The following DNAH3 variants were observed in gnomAD, a reference collection of about 807,000 sequenced individuals.
DNAH3 encodes the protein axonemal beta dynein heavy chain 3.
Under a neutral mutation model 432.5 loss-of-function variants are expected in DNAH3, and 332 were observed. That is an observed-to-expected ratio of 0.77 (90% CI 0.70 to 0.84). The LOEUF (loss-of-function observed/expected upper bound fraction) is 0.84, where lower values mean the gene tolerates loss of function less well. DNAH3 is among the 40% of genes least tolerant of loss of function. DNAH3 has a pLI of 0.00. For missense variants in DNAH3, 4,861 were observed against 5,114.0 expected (o/e 0.95, Z 1.51); for synonymous variants, 1,956 against 1,900.2 (o/e 1.03, Z -0.76).
chr16:21,097,615 T>A, intron 17 of DNAH3, 116 bp from the exon 18 acceptor site: 1 of 1,266,244 alleles, frequency 7.9e-7, no homozygotes, highest in Non-Finnish European at 1.1e-6. Context: ...TGCTTATTCA[T>A]CTGGAGAGTA....
intron 20 of DNAH3, among the ~76,000 whole-genome samples, chr16:21,076,133 C>T (rs1004305227): frequency 1.3e-5 from 2 of 152,076 alleles, no homozygotes; most frequent in Non-Finnish European, 1.5e-5. Flanking sequence ...TATTGAAATT[C>T]TAACCCCTAA....
chr16:20,933,535 A>G (rs754088427), intron 61 of DNAH3, 28 bp from the exon 62 acceptor site: 4 of 1,519,558 alleles, frequency 2.6e-6, no homozygotes, highest in South Asian at 2.6e-5. Context: ...TATGAGCTCC[A>G]TTGCCTGCCA....
rs2092313612 is a variant in DNAH3 at position 21,120,575 on chromosome 16, G to A, written c.1699+165C>T. The stretch of plus-strand genomic sequence containing the variant: ...AAAACAGTCTGAGGGGCTTAAGGAG[G>A]AAGCTAGGGCTGTGGGTGTCACTAG... On this transcript the variant is annotated intron_variant, in intron 11 of 61. Transcript: ENST00000261383. The A allele has an allele frequency of 1.1e-5, 7 of 637,326 alleles. No individual in the cohort carries two copies. The Admixed American group carries it at 1.7e-4, about 16-fold the overall frequency. The allele number at this position is 637,326 out of a possible 1,614,324, so 39.5% of individuals were successfully genotyped here. A position where few individuals can be genotyped will look rare whatever the true frequency, so the allele number is the denominator to read the frequency against.
intron 47 of DNAH3, 32 bp from the exon 48 acceptor site, chr16:20,985,747 C>A: frequency 6.3e-7 from 1 of 1,594,908 alleles, no homozygotes; most frequent in South Asian, 1.1e-5. Flanking sequence ...GCGGGGCATT[C>A]AGTGAATGGC....
At position 21,031,092 on chromosome 16, in the gene DNAH3, CATCCACTGGCCCATCAAATATA is replaced by C; in HGVS notation, c.5370_5391del (p.Ile1790MetfsTer8). On this transcript the variant is annotated frameshift_variant, in exon 37 of 62. Transcript: ENST00000261383. LOFTEE classifies it high-confidence loss of function. ...GTGTTCATATTTTCAATCCAAATAGCATCCACTGGCCCATCAAATATAATCCACTTGCGATCATCAGAGAGTG... is the reference window on the plus strand; with the variant it reads ...GTGTTCATATTTTCAATCCAAATAGCATCCACTTGCGATCATCAGAGAGTG... 6.2e-7 allele frequency: 1 copy of C among 1,614,136 alleles called. No homozygotes were observed. The highest frequency in any genetic ancestry group is 8.5e-7 in the Non-Finnish European group (1 of 1,180,010).
exon 32 of DNAH3, chr16:21,042,139 A>G: frequency 1.2e-6 from 2 of 1,613,550 alleles, no homozygotes; most frequent in Non-Finnish European, 8.5e-7. Context: ...GAATGTCTTT[A>G]GCTTCCGAAT....
At chr16:20,977,393 A>G (rs2085645051) in intron 50 of DNAH3, among the ~76,000 whole-genome samples, 1 of 152,108 alleles carries the variant, frequency 6.6e-6, no homozygotes, top group African/African-American at 2.4e-5. Context: ...AACAAAAACA[A>G]ACAAACAAAC....
exon 6 of DNAH3, chr16:21,136,388 G>GGGC: frequency 6.2e-7 from 1 of 1,614,000 alleles, no homozygotes; most frequent in Non-Finnish European, 8.5e-7. Flanking sequence ...CCACCATCAG[G>GGGC]GGCTCCAGGA....
intron 44 of DNAH3, among the ~76,000 whole-genome samples, chr16:20,989,638 G>A (rs1270885119): frequency 2.0e-5 from 3 of 152,232 alleles, no homozygotes; most frequent in Admixed American, 2.0e-4. Flanking sequence ...CGGGCGGTAC[G>A]CTCGCACTCC....
intron 31 of DNAH3, among the ~76,000 whole-genome samples, chr16:21,046,303 G>T (rs1307338446): frequency 6.8e-6 from 1 of 147,372 alleles, no homozygotes; most frequent in East Asian, 2.0e-4. Flanking sequence ...TTAATGTGTG[G>T]GAGTCTAAGT....
intron 38 of DNAH3, 47 bp downstream of exon 38, chr16:21,026,980 G>A (rs911726070): frequency 7.5e-7 from 1 of 1,332,076 alleles, no homozygotes; most frequent in African/African-American, 1.4e-5. Context: ...TGCTTAGGGT[G>A]AGTGGAGCCA....
intron 51 of DNAH3, among the ~76,000 whole-genome samples, chr16:20,974,610 A>G (rs949459825): frequency 9.1e-6 from 1 of 110,468 alleles, no homozygotes; most frequent in African/African-American, 3.5e-5. Flanking sequence ...TTGTAGAGAC[A>G]GAATCTTGCT....
chr16:21,064,860 GGTGTGTGTGTGTGT>G (rs369066790), intron 24 of DNAH3, among the ~76,000 whole-genome samples: 60 of 131,700 alleles, frequency 4.6e-4, no homozygotes, highest in African/African-American at 9.2e-4. Context: ...TATTGAGGTA[GGTGTGTGTGTGTGT>G]GTGTGTGTGT....
intron 4 of DNAH3, among the ~76,000 whole-genome samples, chr16:21,141,034 GAGGCTAAGGA>G: frequency 6.6e-6 from 1 of 152,116 alleles, no homozygotes; most frequent in East Asian, 1.9e-4. Flanking sequence ...AGCTACTCAG[GAGGCTAAGGA>G]AGGAGAGTCG....
intron 59 of DNAH3, 39 bp from the exon 60 acceptor site, chr16:20,936,892 G>A (rs1049352652): frequency 1.9e-6 from 3 of 1,549,048 alleles, no homozygotes; most frequent in Non-Finnish European, 2.6e-6. Context: ...GGGCTCTCCG[G>A]TGGCCACATT....
At chr16:21,040,450 C>T (rs1024274485) in intron 32 of DNAH3, among the ~76,000 whole-genome samples, 33 of 146,828 alleles carry the variant, frequency 2.2e-4, no homozygotes, top group African/African-American at 7.6e-4. Context: ...TTGCAACCTC[C>T]GCCTCCCAGG....
At chr16:21,076,492 G>T (rs1652095383) in intron 20 of DNAH3, among the ~76,000 whole-genome samples, 1 of 152,164 alleles carries the variant, frequency 6.6e-6, no homozygotes, top group South Asian at 2.1e-4. Flanking sequence ...ATTCCGGACT[G>T]AGCTCCTGCA....
At chr16:21,147,195 G>A (rs192508461) in intron 1 of DNAH3, among the ~76,000 whole-genome samples, 54 of 151,806 alleles carry the variant, frequency 3.6e-4, no homozygotes, top group Non-Finnish European at 6.3e-4. Context: ...ATGATTAAAG[G>A]AGGTGACTTT....
In DNAH3 at chr16:21,087,067, T is replaced by G. The variant is rs1441236011; in HGVS notation, c.2666-7A>C. On this transcript the variant is annotated splice_polypyrimidine_tract_variant and splice_region_variant and intron_variant, in intron 18 of 61. Coordinates refer to ENST00000261383, the Ensembl canonical transcript of DNAH3. ...TTCAGTAAGAAGAGGGGTCCTGAAA[T>G]AGAAGAGTGAGGGAAAGGTCAGACC... is the stretch of plus-strand genomic sequence containing the variant. 7 of 1,611,006 alleles carry G rather than the reference T, an allele frequency of 4.3e-6. No individual in the cohort carries two copies. The highest frequency in any genetic ancestry group is 8.5e-7 in the Non-Finnish European group (1 of 1,177,770).
Sources: allele counts gnomAD v4.1 joint callset (sites outside exome capture counted in the v4.1 genomes callset), GRCh38; gene constraint gnomAD v4.1.1; transcripts MANE v1.5; gene names NCBI Gene and HGNC (gene_info 2026-07-23, HGNC 2026-07-21).